R3HDM2: variants seen among roughly 807,000 people sequenced by gnomAD.
The protein encoded by R3HDM2 is R3H domain-containing protein 2.
A neutral mutation model predicts 124.5 loss-of-function variants in R3HDM2; 38 were observed. The ratio of observed to expected loss-of-function variants is 0.31; its 90% CI spans 0.24 to 0.40. The LOEUF (loss-of-function observed/expected upper bound fraction) is 0.40. Among genes scored for constraint, R3HDM2 ranks in the 10% least tolerant of loss-of-function variants. The pLI is 1.00. For missense variants in R3HDM2, 869 were observed against 1,236.9 expected, an observed-to-expected ratio of 0.70 and a Z score of 4.46; for synonymous variants, 391 against 448.0, an observed-to-expected ratio of 0.87 and a Z score of 1.61.
chr12:57,343,199 T>C (rs2059749904), intron 2 of R3HDM2, among the ~76,000 whole-genome samples: 1 of 150,422 alleles, frequency 6.6e-6, no homozygotes, highest in Non-Finnish European at 1.5e-5. Context: ...TTTTTTTTTT[T>C]TTTTTTTTGA....
At chr12:57,412,739 C>T (rs2069119463) in intron 1 of R3HDM2, among the ~76,000 whole-genome samples, 2 of 152,154 alleles carry the variant, frequency 1.3e-5, no homozygotes, top group African/African-American at 2.4e-5. Flanking sequence ...GGCGCAGTGG[C>T]TCACATCTGT....
At chr12:57,352,119 A>G (rs1490848005) in intron 2 of R3HDM2, among the ~76,000 whole-genome samples, 1 of 151,900 alleles carries the variant, frequency 6.6e-6, no homozygotes, top group African/African-American at 2.4e-5. Flanking sequence ...ATAATTAACA[A>G]AACTACTTAG....
intron 1 of R3HDM2, among the ~76,000 whole-genome samples, chr12:57,426,955 A>G (rs1477603692): frequency 6.6e-6 from 1 of 152,208 alleles, no homozygotes; most frequent in Non-Finnish European, 1.5e-5. Context: ...CACTTTACTG[A>G]ACATCAAGTG....
intron 6 of R3HDM2, 69 bp from the exon 7 acceptor site, chr12:57,298,237 G>C (rs1313294654): frequency 1.7e-6 from 2 of 1,197,716 alleles, no homozygotes; most frequent in East Asian, 2.6e-5. Flanking sequence ...ATCCTAAGCA[G>C]AAGTCCACAA....
At chr12:57,318,283 C>G (rs2055615491) in intron 2 of R3HDM2, among the ~76,000 whole-genome samples, 1 of 151,938 alleles carries the variant, frequency 6.6e-6, no homozygotes, top group Non-Finnish European at 1.5e-5. Context: ...AAAGGCAAGA[C>G]TCTGTCTCAA....
At chr12:57,269,647 A>G in intron 15 of R3HDM2, 105 bp downstream of exon 15, 4 of 1,514,750 alleles carry the variant, frequency 2.6e-6, no homozygotes, top group Non-Finnish European at 3.6e-6. Flanking sequence ...AGTGCAAGGT[A>G]GGGAGAGGTA....
At chr12:57,261,912 A>G (rs2040959318) in intron 19 of R3HDM2, among the ~76,000 whole-genome samples, 1 of 152,136 alleles carries the variant, frequency 6.6e-6, no homozygotes, top group South Asian at 2.1e-4. Context: ...AGGAGAGGGG[A>G]CGTGTGAATG....
At chr12:57,349,566 GTT>G (rs1473563493) in intron 2 of R3HDM2, among the ~76,000 whole-genome samples, 1 of 140,768 alleles carries the variant, frequency 7.1e-6, no homozygotes, top group Non-Finnish European at 1.6e-5. Context: ...TTTTTTGGTT[GTT>G]TTTTTTTTTT....
chr12:57,427,755 G>A (rs1868301540), intron 1 of R3HDM2, among the ~76,000 whole-genome samples: 1 of 152,014 alleles, frequency 6.6e-6, no homozygotes, highest in East Asian at 1.9e-4. Context: ...TTATGTAAAT[G>A]TGTATGCAGG....
At chr12:57,283,460 T>G (rs2046634512) in intron 13 of R3HDM2, among the ~76,000 whole-genome samples, 1 of 152,174 alleles carries the variant, frequency 6.6e-6, no homozygotes, top group Non-Finnish European at 1.5e-5. Context: ...AAATATGGGC[T>G]GGGCGTGGTG....
rs750525215 is a variant in R3HDM2, at chr12:57,288,994, C to G, written c.938+15G>C. ...AGCTCAATGAGAAGCAGGGAACATG[C>G]TAAGTGGTACTAACCTGATGTCATT... On this transcript the variant is annotated intron_variant, in intron 12 of 23. Coordinates refer to ENST00000402412, the MANE Select transcript of R3HDM2 (RefSeq NM_001394031.1). 6.5e-7 allele frequency: 1 copy of G among 1,549,086 alleles called. No individual in the cohort carries two copies. The highest frequency in any genetic ancestry group is 1.2e-5 in the South Asian group (1 of 84,004).
intron 14 of R3HDM2, among the ~76,000 whole-genome samples, chr12:57,272,765 T>C (rs1466540608): frequency 6.6e-6 from 1 of 152,168 alleles, no homozygotes; most frequent in Non-Finnish European, 1.5e-5. Context: ...TTAACATCTC[T>C]TTGACAAACA....
intron 2 of R3HDM2, among the ~76,000 whole-genome samples, chr12:57,358,642 T>A (rs1259818651): frequency 2.2e-5 from 3 of 138,206 alleles, no homozygotes; most frequent in East Asian, 2.1e-4. Context: ...AGACTCCATC[T>A]CAAAAAAAAA....
rs370577950 is a variant in R3HDM2 at position 57,269,073 on chromosome 12, G to T, written c.1724C>A (p.Pro575His). The T allele has an allele frequency of 2.3e-5, 37 of 1,614,070 alleles. No individual in the cohort carries two copies. Among genetic ancestry groups the T allele is most frequent in the Non-Finnish European group, 3.0e-5 (35 of 1,180,036 alleles). Reference sequence around the variant, plus strand: ...CGCCTGCTGCTGGTTAGGCATCATGGGCTGTAAACCTAGAGATGGGCAAGG... The same window carrying T: ...CGCCTGCTGCTGGTTAGGCATCATGTGCTGTAAACCTAGAGATGGGCAAGG... ...PQPSQQPGLQ[P>H]MMPNQQQAAY... Residue 575 changes from proline to histidine, a missense_variant, in exon 17 of 24, where the codon CCC becomes CAC. Coordinates refer to ENST00000402412, the MANE Select transcript of R3HDM2 (RefSeq NM_001394031.1).
intron 1 of R3HDM2, among the ~76,000 whole-genome samples, chr12:57,404,064 A>ATTTTTTTCTTT (rs2068291312): frequency 1.3e-5 from 1 of 77,016 alleles, no homozygotes; most frequent in Non-Finnish European, 2.3e-5. Flanking sequence ...TCCACTCCTA[A>ATTTTTTTCTTT]TTTTTTTTTT....
chr12:57,373,759 G>A (rs2063663375), intron 2 of R3HDM2, among the ~76,000 whole-genome samples: 1 of 151,928 alleles, frequency 6.6e-6, no homozygotes, highest in South Asian at 2.1e-4. Context: ...GTTGGGGTGA[G>A]CTGAGATCGC....
At chr12:57,282,274 G>C (rs576618704) in intron 13 of R3HDM2, among the ~76,000 whole-genome samples, 1 of 149,488 alleles carries the variant, frequency 6.7e-6, no homozygotes, top group African/African-American at 2.5e-5. Context: ...TCGTGCCATT[G>C]CGTAACAAGA....
intron 2 of R3HDM2, among the ~76,000 whole-genome samples, chr12:57,320,071 CA>C (rs1783343820): frequency 6.6e-6 from 1 of 151,664 alleles, no homozygotes; most frequent in Non-Finnish European, 1.5e-5. Flanking sequence ...TGAGCCTGGC[CA>C]ACACGGTGAA....
rs559793203 is a variant in R3HDM2 at position 57,387,049 on chromosome 12, G to A, written c.-36+8700C>T. Reference sequence around the variant, plus strand: ...TGCATATAGCTAATCTAGTGGGGACGTGGAGAACTTTTGTGTCTAGCTCAG... The same window carrying A: ...TGCATATAGCTAATCTAGTGGGGACATGGAGAACTTTTGTGTCTAGCTCAG... On this transcript the variant is annotated intron_variant, in intron 2 of 23. Coordinates refer to ENST00000402412, the MANE Select transcript of R3HDM2 (RefSeq NM_001394031.1). Among the ~76,000 whole-genome samples the A allele has an allele frequency of 9.9e-5, 15 of 152,084 alleles. No homozygotes were observed. In the Middle Eastern group the frequency reaches 0.014, roughly 138 times the overall value.
Sources: allele counts gnomAD v4.1 joint callset (sites outside exome capture counted in the v4.1 genomes callset), GRCh38; gene constraint gnomAD v4.1.1; transcripts MANE v1.5; gene names NCBI Gene and HGNC (gene_info 2026-07-23, HGNC 2026-07-21).